DPP10: variants seen among roughly 807,000 people sequenced by gnomAD.
DPP10 encodes inactive dipeptidyl peptidase 10.
In DPP10, 33 loss-of-function variants were observed where a neutral mutation model predicts 120.9. The observed-to-expected ratio is 0.27, with a 90% CI of 0.21 to 0.37. The LOEUF (loss-of-function observed/expected upper bound fraction) is 0.37, where lower values mean the gene tolerates loss of function less well. Ranked by LOEUF, DPP10 falls within the 10% of genes least tolerant of loss-of-function variation. The pLI is 1.00. For synonymous variants in DPP10, 337 were observed against 326.1 expected, an observed-to-expected ratio of 1.03 and a Z score of -0.36; for missense variants, 816 against 942.8, an observed-to-expected ratio of 0.87 and a Z score of 1.76.
intron 3 of DPP10, among the ~76,000 whole-genome samples, chr2:115,348,162 C>A (rs1353486804): frequency 6.6e-6 from 1 of 152,060 alleles, no homozygotes. Flanking sequence ...ACTCAGCATG[C>A]CACCATGCCA....
At chr2:115,266,740 C>T (rs1420727274) in intron 1 of DPP10, among the ~76,000 whole-genome samples, 2 of 152,076 alleles carry the variant, frequency 1.3e-5, no homozygotes, top group African/African-American at 4.8e-5. Context: ...ATAATTTGGT[C>T]AACTTTTATG....
At chr2:115,698,589 G>A (rs114030157) in intron 7 of DPP10, among the ~76,000 whole-genome samples, 86 of 152,218 alleles carry the variant, frequency 5.6e-4, no homozygotes, top group African/African-American at 1.9e-3. Context: ...TGCTCTTGCT[G>A]TCACTCTCTT....
At chr2:115,748,010 AT>A (rs968969896) in intron 10 of DPP10, among the ~76,000 whole-genome samples, 4 of 151,900 alleles carry the variant, frequency 2.6e-5, no homozygotes, top group South Asian at 2.1e-4. Flanking sequence ...CCTGACCTTG[AT>A]TTTTTTTACC....
chr2:115,578,352 A>T (rs766796565), intron 5 of DPP10, among the ~76,000 whole-genome samples: 1 of 152,186 alleles, frequency 6.6e-6, no homozygotes, highest in Admixed American at 6.5e-5. Context: ...GGGAAAACAC[A>T]CAAACGTACA....
intron 3 of DPP10, among the ~76,000 whole-genome samples, chr2:115,492,651 A>T (rs770650759): frequency 1.3e-5 from 2 of 152,186 alleles, no homozygotes; most frequent in Non-Finnish European, 2.9e-5. Flanking sequence ...TATTAAAGTC[A>T]TATCAATGCA....
At chr2:115,038,745 G>A (rs560592317) in intron 1 of DPP10, among the ~76,000 whole-genome samples, 2 of 152,326 alleles carry the variant, frequency 1.3e-5, no homozygotes, top group East Asian at 3.9e-4. Context: ...TGGAGGGACA[G>A]TGATTACTCT....
chr2:114,477,364 C>A (rs1285990921), intron 1 of DPP10, among the ~76,000 whole-genome samples: 1 of 151,916 alleles, frequency 6.6e-6, no homozygotes, highest in Non-Finnish European at 1.5e-5. Context: ...ATTCCCATTG[C>A]AGTATATTAT....
At position 115,842,382 on chromosome 2, in the gene DPP10, G is replaced by T; in HGVS notation, c.*37G>T. ...TATACAGAACTGAAGGGAATATTGA[G>T]GCTCAATGAAACCTGACAAAGAGAC... is the stretch of plus-strand genomic sequence containing the variant. On this transcript the variant is annotated 3_prime_UTR_variant, in exon 26 of 26. Transcript: ENST00000410059. 1 of 1,587,704 alleles carries T rather than the reference G, an allele frequency of 6.3e-7. No homozygotes were observed. Among genetic ancestry groups the T allele is most frequent in the Non-Finnish European group, 8.6e-7 (1 of 1,163,066 alleles).
intron 1 of DPP10, among the ~76,000 whole-genome samples, chr2:114,618,042 A>G (rs895307777): frequency 1.3e-5 from 2 of 152,062 alleles, no homozygotes; most frequent in African/African-American, 2.4e-5. Context: ...TAAATACCAA[A>G]TGGGTCCACG....
At chr2:115,156,678 T>C (rs1441293440) in intron 1 of DPP10, among the ~76,000 whole-genome samples, 2 of 152,292 alleles carry the variant, frequency 1.3e-5, no homozygotes, top group South Asian at 2.1e-4. Flanking sequence ...TTTCAAGGAA[T>C]AAAGGAAGAT....
intron 4 of DPP10, among the ~76,000 whole-genome samples, chr2:115,510,459 A>AC (rs2077166320): frequency 6.6e-6 from 1 of 152,086 alleles, no homozygotes; most frequent in African/African-American, 2.4e-5. Flanking sequence ...ATGTCAGCTG[A>AC]CCACAAATAT....
chr2:115,590,570 A>T (rs60630959), intron 5 of DPP10, among the ~76,000 whole-genome samples: 2,833 of 152,186 alleles, frequency 0.019, 95 homozygotes, highest in African/African-American at 0.064. Flanking sequence ...TCTATCATTG[A>T]TGGACATTTG....
At chr2:115,131,284 G>GC (rs755321250) in intron 1 of DPP10, among the ~76,000 whole-genome samples, 5 of 152,220 alleles carry the variant, frequency 3.3e-5, no homozygotes, top group Non-Finnish European at 4.4e-5. Flanking sequence ...GGAGGCCAAG[G>GC]CAGGAGCATT....
chr2:114,779,530 C>T (rs763158429), intron 1 of DPP10, among the ~76,000 whole-genome samples: 2 of 152,096 alleles, frequency 1.3e-5, no homozygotes, highest in African/African-American at 2.4e-5. Context: ...TGACTTCTTA[C>T]ATACAAGCTG....
chr2:115,244,698 T>C (rs181585935), intron 1 of DPP10, among the ~76,000 whole-genome samples: 18 of 151,810 alleles, frequency 1.2e-4, no homozygotes, highest in South Asian at 4.2e-4. Context: ...TAAAATAAAT[T>C]AAAATTAAAG....
intron 1 of DPP10, among the ~76,000 whole-genome samples, chr2:114,776,695 T>G (rs1681776099): frequency 6.6e-6 from 1 of 152,180 alleles, no homozygotes; most frequent in African/African-American, 2.4e-5. Context: ...AAAAATTTGT[T>G]GGATAAATTA....
At chr2:114,583,280 C>G (rs1282090784) in intron 1 of DPP10, among the ~76,000 whole-genome samples, 1 of 152,204 alleles carries the variant, frequency 6.6e-6, no homozygotes, top group African/African-American at 2.4e-5. Context: ...TGTTAACAGA[C>G]TGACAGAAAT....
At chr2:114,495,342 T>C (rs1196868060) in intron 1 of DPP10, among the ~76,000 whole-genome samples, 3 of 152,222 alleles carry the variant, frequency 2.0e-5, no homozygotes, top group African/African-American at 7.2e-5. Flanking sequence ...TCATCTTATC[T>C]ACCTTTGCAT....
intron 1 of DPP10, among the ~76,000 whole-genome samples, chr2:114,992,888 C>A (rs958337476): frequency 1.3e-5 from 2 of 152,204 alleles, no homozygotes; most frequent in Non-Finnish European, 2.9e-5. Flanking sequence ...CATATGCATA[C>A]GCTTCCATAA....
Sources: allele counts gnomAD v4.1 joint callset (sites outside exome capture counted in the v4.1 genomes callset), GRCh38; gene constraint gnomAD v4.1.1; transcripts MANE v1.5; gene names NCBI Gene and HGNC (gene_info 2026-07-23, HGNC 2026-07-21).